WWOX: variants seen among roughly 807,000 people sequenced by gnomAD.
WWOX encodes WW domain-containing oxidoreductase.
In WWOX, 69 loss-of-function variants were observed where a neutral mutation model predicts 46.2. The observed-to-expected ratio is 1.49, with a 90% CI of 1.23 to 1.82. The LOEUF (loss-of-function observed/expected upper bound fraction) is 1.82. Ranked by LOEUF, WWOX falls within the 40% of genes most tolerant of loss-of-function variation. The pLI is 0.00. For missense variants in WWOX, 919 were observed against 542.6 expected, an observed-to-expected ratio of 1.69 and a Z score of -6.89; for synonymous variants, 359 against 202.6, an observed-to-expected ratio of 1.77 and a Z score of -6.56.
chr16:78,768,070 A>G (rs1466470948), intron 8 of WWOX, among the ~76,000 whole-genome samples: 2 of 151,870 alleles, frequency 1.3e-5, no homozygotes, highest in Admixed American at 6.6e-5. Flanking sequence ...GTGCTTTTTC[A>G]TTAGCTGTAT....
rs182258165 is a variant in WWOX, at chr16:78,370,734, G to C, written c.517-16126G>C. On this transcript the variant is annotated intron_variant, in intron 5 of 8. Transcript: ENST00000566780. Reference sequence around the variant, plus strand: ...TCTGGTCTTCACCATCTGCCAATGTGAGTTTTAGTTTCTCTATAAACTTTT... The same window carrying C: ...TCTGGTCTTCACCATCTGCCAATGTCAGTTTTAGTTTCTCTATAAACTTTT... 2.7e-5 allele frequency among the ~76,000 whole-genome samples: 4 copies of C among 146,710 alleles called. No individual in the cohort carries two copies. The Admixed American group carries it at 2.7e-4, about 10-fold the overall frequency.
intron 1 of WWOX, among the ~76,000 whole-genome samples, chr16:78,104,759 T>C (rs2032035380): frequency 6.6e-6 from 1 of 152,312 alleles, no homozygotes; most frequent in Middle Eastern, 3.4e-3. Flanking sequence ...AGAACATCTT[T>C]TAATTAATTT....
At chr16:78,567,924 G>C (rs1341911686) in intron 8 of WWOX, among the ~76,000 whole-genome samples, 1 of 152,116 alleles carries the variant, frequency 6.6e-6, no homozygotes, top group African/African-American at 2.4e-5. Flanking sequence ...GTTTTCCAGT[G>C]GCTCACCGGG....
At chr16:78,973,433 G>C (rs2046511012) in intron 8 of WWOX, among the ~76,000 whole-genome samples, 1 of 152,156 alleles carries the variant, frequency 6.6e-6, no homozygotes, top group South Asian at 2.1e-4. Flanking sequence ...TCAATAATTA[G>C]CCAACCAAGT....
At chr16:79,159,063 A>G (rs2050435827) in intron 8 of WWOX, among the ~76,000 whole-genome samples, 1 of 152,224 alleles carries the variant, frequency 6.6e-6, no homozygotes, top group Non-Finnish European at 1.5e-5. Flanking sequence ...TAGTGCATGG[A>G]TTCCAGCCCC....
intron 5 of WWOX, among the ~76,000 whole-genome samples, chr16:78,221,190 T>G (rs755392422): frequency 6.6e-6 from 1 of 152,192 alleles, no homozygotes; most frequent in Non-Finnish European, 1.5e-5. Flanking sequence ...TCTAATGTCC[T>G]CTGTATTAAT....
At chr16:78,262,097 CAAAAAAAAAAA>C (rs752161345) in intron 5 of WWOX, among the ~76,000 whole-genome samples, 7 of 62,610 alleles carry the variant, frequency 1.1e-4, no homozygotes, top group East Asian at 1.3e-3. Context: ...GAAACTCTGT[CAAAAAAAAAAA>C]AAAAAAAAAA....
At chr16:78,690,888 G>T (rs1342275498) in intron 8 of WWOX, among the ~76,000 whole-genome samples, 1 of 152,164 alleles carries the variant, frequency 6.6e-6, no homozygotes, top group Non-Finnish European at 1.5e-5. Flanking sequence ...ATCAATACCT[G>T]GGGGTTTTCA....
intron 8 of WWOX, among the ~76,000 whole-genome samples, chr16:78,706,728 A>G (rs981707187): frequency 9.2e-5 from 14 of 152,190 alleles, no homozygotes; most frequent in South Asian, 8.3e-4. Context: ...GTGGGTACAC[A>G]TGGTACTGAC....
chr16:78,904,469 C>T lies in WWOX; in HGVS notation c.1057-307139C>T, dbSNP rs2044909989. 2.0e-5 allele frequency among the ~76,000 whole-genome samples: 3 copies of T among 152,030 alleles called. No individual in the cohort carries two copies. The South Asian group carries it at 6.2e-4, about 32-fold the overall frequency. ...GGCCAGGATGGTCTTCTTCTCTTGA[C>T]CTTGTGATCTGCCTGCCCCAGCCTC... On this transcript the variant is annotated intron_variant, in intron 8 of 8. Coordinates refer to ENST00000566780, the MANE Select transcript of WWOX (RefSeq NM_016373.4).
chr16:78,816,067 C>T (rs1206914293), intron 8 of WWOX, among the ~76,000 whole-genome samples: 5 of 152,182 alleles, frequency 3.3e-5, no homozygotes, highest in Non-Finnish European at 5.9e-5. Context: ...TGCTTCTATT[C>T]TGCTTTTCTA....
intron 8 of WWOX, among the ~76,000 whole-genome samples, chr16:78,595,982 G>A (rs574858724): frequency 1.1e-3 from 163 of 152,212 alleles, no homozygotes; most frequent in Non-Finnish European, 1.9e-3. Flanking sequence ...CATTCAAAGG[G>A]GATAAGACAT....
chr16:78,326,217 A>G (rs994004851), intron 5 of WWOX, among the ~76,000 whole-genome samples: 5 of 152,214 alleles, frequency 3.3e-5, no homozygotes, highest in East Asian at 3.8e-4. Context: ...GGGAACCTGA[A>G]TTATGGGGAT....
At chr16:78,903,413 G>C (rs1237045369) in intron 8 of WWOX, among the ~76,000 whole-genome samples, 1 of 152,150 alleles carries the variant, frequency 6.6e-6, no homozygotes, top group African/African-American at 2.4e-5. Context: ...ATTGGTTGTG[G>C]GCAGCAACCC....
chr16:79,107,802 C>G (rs2049340251), intron 8 of WWOX, among the ~76,000 whole-genome samples: 1 of 152,134 alleles, frequency 6.6e-6, no homozygotes, highest in Admixed American at 6.5e-5. Context: ...GTAATGATCA[C>G]AAAATTATAA....
intron 8 of WWOX, among the ~76,000 whole-genome samples, chr16:78,486,328 A>G (rs1329860306): frequency 6.6e-6 from 1 of 152,232 alleles, no homozygotes; most frequent in African/African-American, 2.4e-5. Flanking sequence ...AAATAACCTC[A>G]TGAGCATAGA....
intron 5 of WWOX, among the ~76,000 whole-genome samples, chr16:78,266,538 G>T (rs1040445376): frequency 6.6e-6 from 1 of 152,158 alleles, no homozygotes; most frequent in African/African-American, 2.4e-5. Flanking sequence ...GGATAGCATA[G>T]GGTGACCATA....
chr16:78,964,601 C>A (rs141558724), intron 8 of WWOX, among the ~76,000 whole-genome samples: 1 of 152,108 alleles, frequency 6.6e-6, no homozygotes, highest in Admixed American at 6.5e-5. Flanking sequence ...TCTGATTGTG[C>A]GATAGAAAAG....
At chr16:78,785,619 A>C in intron 8 of WWOX, among the ~76,000 whole-genome samples, 1 of 152,236 alleles carries the variant, frequency 6.6e-6, no homozygotes, top group East Asian at 1.9e-4. Context: ...AGTTTTTACC[A>C]AATGCTTCTG....
Sources: gnomAD v4.1 joint callset for allele counts (sites outside exome capture counted in the v4.1 genomes callset) on GRCh38, gnomAD v4.1.1 for gene constraint, MANE v1.5 for transcripts, NCBI Gene and HGNC (gene_info 2026-07-23, HGNC 2026-07-21) for gene names.